The following ZNF260 variants were observed in gnomAD, a reference collection of about 807,000 sequenced individuals.
ZNF260 encodes zinc finger protein 260.
In ZNF260, 21 loss-of-function variants were observed where a neutral mutation model predicts 29.3. That is an observed-to-expected ratio of 0.72 (90% CI 0.51 to 1.03). The LOEUF is 1.03. ZNF260 is among the 50% of genes least tolerant of loss of function. ZNF260 has a pLI of 0.00. For synonymous variants in ZNF260, 156 were observed against 156.8 expected, an observed-to-expected ratio of 0.99 and a Z score of 0.04; for missense variants, 465 against 487.8, an observed-to-expected ratio of 0.95 and a Z score of 0.44.
chr19:36,527,142 A>AT (rs2034749415), intron 1 of ZNF260, among the ~76,000 whole-genome samples: 1 of 152,164 alleles, frequency 6.6e-6, no homozygotes, highest in African/African-American at 2.4e-5. Flanking sequence ...AGAAACAGAC[A>AT]TTTATTAGTC....
rs765122944 is a variant in ZNF260 at position 36,514,778 on chromosome 19, T to C, written c.461A>G (p.His154Arg). The C allele has an allele frequency of 3.1e-6, 5 of 1,613,868 alleles. No individual in the cohort carries two copies. Among genetic ancestry groups the C allele is most frequent in the South Asian group, 1.1e-5 (1 of 91,088 alleles). Residue 154 changes from histidine (H) to arginine (R), a missense_variant, in exon 3 of 3, where the codon CAT (histidine) becomes CGT (arginine). By Grantham distance (29) the His-to-Arg change is conservative (BLOSUM62 0). Transcript: ENST00000523638. ...AFNGKAYLTE[H>R]EKIHTGEKPF... ...TTTTTCTCCAGTATGAATTTTCTCA[T>C]GCTCAGTGAGATATGCTTTGCCGTT...
chr19:36,519,179 T>C (rs1460976721), intron 2 of ZNF260, among the ~76,000 whole-genome samples: 2 of 152,190 alleles, frequency 1.3e-5, no homozygotes, highest in Non-Finnish European at 2.9e-5. Context: ...CTTCTAGGTT[T>C]TACAGTTCTG....
chr19:36,514,178 T>C lies in ZNF260; in HGVS notation c.1061A>G (p.His354Arg). The change falls in exon 3 of 3, where the codon CAT becomes CGT. Residue 354 changes from histidine (H) to arginine (R), a missense_variant. Transcript: ENST00000523638. The stretch of plus-strand genomic sequence containing the variant: ...ACAACCATAGGGTTTCTCACCTGTA[T>C]GGCTTCTCATATGCACAGTAAGAGA... ...SSSLTVHMRSHTGEKPYGCNE... is the reference protein window; with the variant it reads ...SSSLTVHMRSRTGEKPYGCNE... The C allele has an allele frequency of 6.2e-7, 1 of 1,614,126 alleles. No homozygotes were observed. Among genetic ancestry groups the C allele is most frequent in the Non-Finnish European group, 8.5e-7 (1 of 1,179,990 alleles).
chr19:36,525,650 G>A (rs893174978), intron 1 of ZNF260, among the ~76,000 whole-genome samples: 1 of 152,090 alleles, frequency 6.6e-6, no homozygotes, highest in Non-Finnish European at 1.5e-5. Flanking sequence ...AGCCAGGCGT[G>A]GTGGCATATG....
intron 2 of ZNF260, among the ~76,000 whole-genome samples, chr19:36,522,597 C>A (rs1033565493): frequency 2.6e-4 from 39 of 152,136 alleles, no homozygotes; most frequent in Admixed American, 1.7e-3. Flanking sequence ...TAAGTAGCTG[C>A]AATGGAGACC....
intron 2 of ZNF260, among the ~76,000 whole-genome samples, chr19:36,522,839 C>T (rs2034669341): frequency 6.6e-6 from 1 of 152,248 alleles, no homozygotes; most frequent in East Asian, 1.9e-4. Context: ...CTATTCACCA[C>T]ATGAGTGTTA....
Position 36,514,720 on chromosome 19 carries a change from G to A in ZNF260, c.519C>T (p.Phe173=). The stretch of plus-strand genomic sequence containing the variant: ...GTTTAATGAGGTATTGCTTCTGGCT[G>A]AAGGCTCTTCCACACTGATTACATT... ...PFECNQCGRA[F]SQKQYLIKHQ... is the part of the protein sequence containing the mutation. Residue 173 remains phenylalanine (F), a synonymous_variant, in exon 3 of 3, where the codon TTC becomes TTT. Transcript: ENST00000523638. 1 of 1,613,784 alleles carries A rather than the reference G, an allele frequency of 6.2e-7. No homozygotes were observed. The highest frequency in any genetic ancestry group is 1.3e-5 in the African/African-American group (1 of 75,042).
Position 36,512,631 on chromosome 19 carries a change from T to A in ZNF260, c.*1369A>T, listed in dbSNP as rs970279535. 1 of 131,458 alleles carries A rather than the reference T, an allele frequency of 7.6e-6. No individual in the cohort carries two copies. Among genetic ancestry groups the A allele is most frequent in the African/African-American group, 3.0e-5 (1 of 33,636 alleles). The allele number at this position is 131,458 out of a possible 1,614,324, so 8.1% of individuals were successfully genotyped here. ...ACCAATTCTTAGTACTAGGGCTGGT[T>A]AGTGTTGATTTTATTCAAATTCACA... On this transcript the variant is annotated 3_prime_UTR_variant, in exon 3 of 3. Coordinates refer to ENST00000523638, the MANE Select transcript of ZNF260 (RefSeq NM_001166037.2).
intron 1 of ZNF260, among the ~76,000 whole-genome samples, chr19:36,527,418 C>T (rs973361231): frequency 6.6e-6 from 1 of 152,164 alleles, no homozygotes; most frequent in Non-Finnish European, 1.5e-5. Flanking sequence ...TGACAAGATA[C>T]TTGAAGATAG....
chr19:36,514,765 A>C lies in ZNF260; in HGVS notation c.474T>G (p.His158Gln). ...TACATTCAAATGGTTTTTCTCCAGT[A>C]TGAATTTTCTCATGCTCAGTGAGAT... ...KAYLTEHEKI[H>Q]TGEKPFECNQ... The change falls in exon 3 of 3, where the codon CAT becomes CAG. Residue 158 changes from histidine to glutamine, a missense_variant. Coordinates refer to ENST00000523638, the MANE Select transcript of ZNF260 (RefSeq NM_001166037.2). The C allele has an allele frequency of 6.2e-7, 1 of 1,613,568 alleles. No homozygotes were observed. The highest frequency in any genetic ancestry group is 8.5e-7 in the Non-Finnish European group (1 of 1,180,000).
In ZNF260 at chr19:36,515,305, C is replaced by T; in HGVS notation, c.-67G>A. ...GATGTAATAAGGATGAAAGCTTTCC[C>T]ACATTCACTAAATTCATATGGTGTA... is the stretch of plus-strand genomic sequence containing the variant. On this transcript the variant is annotated 5_prime_UTR_variant, in exon 3 of 3. An upstream open reading frame in the 5' UTR gains an earlier in-frame stop. Transcript: ENST00000523638. The T allele has an allele frequency of 7.1e-7, 1 of 1,401,266 alleles. No individual in the cohort carries two copies. The highest frequency in any genetic ancestry group is 9.5e-7 in the Non-Finnish European group (1 of 1,057,674). The allele number at this position is 1,401,266 out of a possible 1,614,324, so 86.8% of individuals were successfully genotyped here.
At position 36,511,322 on chromosome 19, in the gene ZNF260, C is replaced by T. The variant is rs2034448724; in HGVS notation, c.*2678G>A. The T allele has an allele frequency of 6.6e-6, 1 of 151,874 alleles. No homozygotes were observed. Among genetic ancestry groups the T allele is most frequent in the Non-Finnish European group, 1.5e-5 (1 of 68,034 alleles). 9.4% of individuals were successfully genotyped at this position (151,874 alleles called of 1,614,324 possible). ...GGCGGATCACCTGAGGTCGGGAGTT[C>T]AAGACCAGCCTTTGGAGAAACCCCA... On this transcript the variant is annotated 3_prime_UTR_variant, in exon 3 of 3. Coordinates refer to ENST00000523638, the MANE Select transcript of ZNF260 (RefSeq NM_001166037.2).
At chr19:36,525,797 A>G (rs550746295) in intron 1 of ZNF260, among the ~76,000 whole-genome samples, 5 of 152,130 alleles carry the variant, frequency 3.3e-5, no homozygotes, top group Admixed American at 2.0e-4. Context: ...AGGAAGGAAA[A>G]AAAAAAAAAA....
Position 36,510,954 on chromosome 19 carries a change from T to C in ZNF260, c.*3046A>G, listed in dbSNP as rs1600203173. The C allele has an allele frequency of 6.6e-6, 1 of 152,126 alleles. No homozygotes were observed. The highest frequency in any genetic ancestry group is 2.4e-5 in the African/African-American group (1 of 41,438). 9.4% of individuals were successfully genotyped at this position (152,126 alleles called of 1,614,324 possible). ...GTGACTTCAAGGCTACCCAAGCACA[T>C]GGGCAAAACACTTAAAAAATATGAA... On this transcript the variant is annotated 3_prime_UTR_variant, in exon 3 of 3. Coordinates refer to ENST00000523638, the MANE Select transcript of ZNF260 (RefSeq NM_001166037.2).
At position 36,515,059 on chromosome 19, in the gene ZNF260, A is replaced by G. The variant is rs1253935241; in HGVS notation, c.180T>C (p.Cys60=). ...ATGAGACTCGAGAGCACACTTTACC[A>G]CATTCAGTGCATTCATGAGATTTCT... The part of the protein sequence containing the change: ...TGEKSHECTE[C]GKVCSRVSSL... Residue 60 remains cysteine, a synonymous_variant, in exon 3 of 3, where the codon TGT becomes TGC. Coordinates refer to ENST00000523638, the MANE Select transcript of ZNF260 (RefSeq NM_001166037.2). 3.1e-6 allele frequency: 5 copies of G among 1,614,106 alleles called. No homozygotes were observed. Among genetic ancestry groups the G allele is most frequent in the Non-Finnish European group, 4.2e-6 (5 of 1,180,012 alleles).
Position 36,514,680 on chromosome 19 carries a change from T to C in ZNF260, c.559A>G (p.Thr187Ala). ...QYLIKHQNIH[T>A]GKKPFKCSEC... ...CTACATTTAAAGGGCTTCTTTCCAG[T>C]ATGGATGTTCTGATGTTTAATGAGG... is the stretch of plus-strand genomic sequence containing the variant. Residue 187 changes from threonine to alanine, a missense_variant, in exon 3 of 3, where the codon ACT becomes GCT. Physicochemically the swap from Thr to Ala is moderately conservative, Grantham distance 58. Transcript: ENST00000523638. 3 of 1,614,060 alleles carry C rather than the reference T, an allele frequency of 1.9e-6. No individual in the cohort carries two copies. Among genetic ancestry groups the C allele is most frequent in the Non-Finnish European group, 1.7e-6 (2 of 1,180,012 alleles).
chr19:36,527,411 C>A (rs2034754013), intron 1 of ZNF260, among the ~76,000 whole-genome samples: 1 of 152,114 alleles, frequency 6.6e-6, no homozygotes, highest in Admixed American at 6.5e-5. Context: ...ATAAGTGTGA[C>A]AAGATACTTG....
intron 2 of ZNF260, among the ~76,000 whole-genome samples, chr19:36,522,509 TA>T (rs1295559124): frequency 6.6e-6 from 1 of 152,084 alleles, no homozygotes; most frequent in Non-Finnish European, 1.5e-5. Context: ...GTTGGCAAAC[TA>T]AAAGAGTTTT....
chr19:36,514,887 T>C lies in ZNF260; in HGVS notation c.352A>G (p.Ile118Val), dbSNP rs1263494134. 6 of 1,614,144 alleles carry C rather than the reference T, an allele frequency of 3.7e-6. No individual in the cohort carries two copies. In the South Asian group the frequency reaches 4.4e-5, roughly 12 times the overall value. The part of the protein sequence containing the change: ...EKPYECEKVS[I>V]QMPTIIRHQK... Reference sequence around the variant, plus strand: ...TGTCTGATGATGGTTGGCATCTGAATAGAAACTTTTTCACATTCATAAGGT... The same window carrying C: ...TGTCTGATGATGGTTGGCATCTGAACAGAAACTTTTTCACATTCATAAGGT... Residue 118 changes from isoleucine to valine, a missense_variant, in exon 3 of 3, where the codon ATT (isoleucine) becomes GTT (valine). Transcript: ENST00000523638.
Sources: allele counts gnomAD v4.1 joint callset (sites outside exome capture counted in the v4.1 genomes callset), GRCh38; gene constraint gnomAD v4.1.1; transcripts MANE v1.5; gene names NCBI Gene and HGNC (gene_info 2026-07-23, HGNC 2026-07-21).